Variants in PREX1 observed in about 807,000 individuals in gnomAD.
The protein encoded by PREX1 is phosphatidylinositol 3,4,5-trisphosphate-dependent Rac exchanger 1 protein.
A neutral mutation model predicts 198.3 loss-of-function variants in PREX1; 41 were observed. The ratio of observed to expected loss-of-function variants is 0.21; its 90% CI spans 0.16 to 0.27. The LOEUF is 0.27. Among genes scored for constraint, PREX1 ranks in the 10% least tolerant of loss-of-function variants. PREX1 has a pLI of 1.00. For missense variants in PREX1, 1,620 were observed against 2,200.7 expected (o/e 0.74, Z 5.28); for synonymous variants, 843 against 887.2 (o/e 0.95, Z 0.89).
intron 1 of PREX1, among the ~76,000 whole-genome samples, chr20:48,798,007 G>A (rs1467364388): frequency 1.3e-5 from 2 of 152,188 alleles, no homozygotes; most frequent in East Asian, 1.9e-4. Flanking sequence ...TTCCAGGGAC[G>A]ACGCTGAGCT....
intron 5 of PREX1, among the ~76,000 whole-genome samples, chr20:48,715,293 T>C (rs1393694378): frequency 6.6e-6 from 1 of 152,176 alleles, no homozygotes; most frequent in Admixed American, 6.5e-5. Flanking sequence ...ACTGTTTGAA[T>C]GAATTAATCC....
intron 1 of PREX1, among the ~76,000 whole-genome samples, chr20:48,787,981 T>C (rs2090320916): frequency 1.3e-5 from 2 of 152,238 alleles, no homozygotes; most frequent in African/African-American, 2.4e-5. Flanking sequence ...AAACTGCCGA[T>C]GTGGGAGCTA....
At chr20:48,847,579 A>G in the PREX1 span, among the ~76,000 whole-genome samples, 4 of 152,210 alleles carry the variant, frequency 2.6e-5, no homozygotes, top group African/African-American at 9.7e-5. Context: ...TCCACCATAT[A>G]GAGATAAAAC....
chr20:48,685,726 C>CA (rs936023281), intron 10 of PREX1, among the ~76,000 whole-genome samples: 4 of 150,346 alleles, frequency 2.7e-5, no homozygotes, highest in African/African-American at 4.9e-5. Context: ...CCCATCTGTA[C>CA]AAAAAAAAAT....
At chr20:48,650,824 C>T in intron 23 of PREX1, 70 bp downstream of exon 23, 2 of 1,560,178 alleles carry the variant, frequency 1.3e-6, no homozygotes, top group Non-Finnish European at 1.7e-6. Context: ...AATTTACAAC[C>T]CAAATATCCC....
intron 9 of PREX1, among the ~76,000 whole-genome samples, chr20:48,689,529 G>A (rs1223249205): frequency 6.6e-6 from 1 of 152,148 alleles, no homozygotes; most frequent in Non-Finnish European, 1.5e-5. Context: ...AGGTCAGGAT[G>A]TGGACAACAC....
intron 8 of PREX1, 27 bp downstream of exon 8, chr20:48,692,645 C>T (rs375578228): frequency 1.3e-6 from 2 of 1,586,286 alleles, no homozygotes; most frequent in African/African-American, 2.7e-5. Context: ...TCAGGCAGGG[C>T]TCAGGCAAGG....
chr20:48,760,911 G>A (rs544534916), intron 1 of PREX1, among the ~76,000 whole-genome samples: 1 of 152,218 alleles, frequency 6.6e-6, no homozygotes, highest in Non-Finnish European at 1.5e-5. Flanking sequence ...TGACACATCA[G>A]TGAATGAACA....
At chr20:48,741,626 A>G (rs2090082434) in intron 3 of PREX1, among the ~76,000 whole-genome samples, 1 of 152,306 alleles carries the variant, frequency 6.6e-6, no homozygotes, top group African/African-American at 2.4e-5. Context: ...CAATAAGCAA[A>G]AAGGGGCAAA....
chr20:48,864,618 C>T, the PREX1 span, among the ~76,000 whole-genome samples: 1 of 152,110 alleles, frequency 6.6e-6, no homozygotes, highest in Non-Finnish European at 1.5e-5. Flanking sequence ...AGATTTAAAC[C>T]CAGGTCATGG....
chr20:48,657,220 C>A lies in PREX1; in HGVS notation c.1975-32G>T, dbSNP rs1320470162. The A allele has an allele frequency of 1.2e-6, 2 of 1,608,776 alleles. 1 individual carries two copies. The highest frequency in any genetic ancestry group is 2.2e-5 in the South Asian group (2 of 90,650). On this transcript the variant is annotated intron_variant, in intron 17 of 39. Coordinates refer to ENST00000371941, the MANE Select transcript of PREX1 (RefSeq NM_020820.4). The stretch of plus-strand genomic sequence containing the variant: ...AGGGACGGCAGAGGACAGACGTGCA[C>A]ACCAGTTACTAAGCTCCTTCCCTCC...
intron 1 of PREX1, among the ~76,000 whole-genome samples, chr20:48,826,288 T>C (rs2090508319): frequency 6.6e-6 from 1 of 151,952 alleles, no homozygotes; most frequent in Non-Finnish European, 1.5e-5. Context: ...GGCATGGAGA[T>C]TAAAGACTTT....
intron 1 of PREX1, among the ~76,000 whole-genome samples, chr20:48,780,577 A>G (rs6095291): frequency 4.5e-4 from 69 of 152,368 alleles, no homozygotes; most frequent in African/African-American, 1.4e-3. Flanking sequence ...AAGTTGGGAC[A>G]ACTTGAACAA....
chr20:48,665,640 G>A (rs1410830620), intron 15 of PREX1, among the ~76,000 whole-genome samples: 1 of 152,132 alleles, frequency 6.6e-6, no homozygotes, highest in African/African-American at 2.4e-5. Context: ...ACATCAAAGG[G>A]CTGCTGTATT....
At chr20:48,734,697 G>A in intron 3 of PREX1, 47 bp from the exon 4 acceptor site, 1 of 1,557,086 alleles carries the variant, frequency 6.4e-7, no homozygotes, top group Admixed American at 1.7e-5. Context: ...ATGGTAGCAG[G>A]CAGGTGCCCT....
chr20:48,873,191 C>T, the PREX1 span, among the ~76,000 whole-genome samples: 7 of 152,154 alleles, frequency 4.6e-5, no homozygotes, highest in Non-Finnish European at 7.3e-5. Flanking sequence ...TCATGAAAGC[C>T]AGGCACACAA....
At chr20:48,811,819 C>T in intron 1 of PREX1, among the ~76,000 whole-genome samples, 1 of 152,256 alleles carries the variant, frequency 6.6e-6, no homozygotes, top group East Asian at 1.9e-4. Flanking sequence ...ACAAAACATT[C>T]ATCCAACTCA....
chr20:48,637,467 A>G (rs775121289), intron 31 of PREX1, among the ~76,000 whole-genome samples: 4 of 152,118 alleles, frequency 2.6e-5, no homozygotes, highest in Non-Finnish European at 5.9e-5. Flanking sequence ...ATCGTCCTCT[A>G]TCCCGGGGCC....
chr20:48,792,126 A>G (rs936641054), intron 1 of PREX1, among the ~76,000 whole-genome samples: 1 of 152,176 alleles, frequency 6.6e-6, no homozygotes, highest in Non-Finnish European at 1.5e-5. Context: ...AATGTTAAAT[A>G]GCACTGCTGT....
Sources: gnomAD v4.1 joint callset for allele counts (sites outside exome capture counted in the v4.1 genomes callset) on GRCh38, gnomAD v4.1.1 for gene constraint, MANE v1.5 for transcripts, NCBI Gene and HGNC (gene_info 2026-07-23, HGNC 2026-07-21) for gene names.